Variants in ROBO1 observed in about 807,000 individuals in gnomAD.
ROBO1 encodes roundabout guidance receptor 1, also known as roundabout homolog 1.
ROBO1 carries 149 observed loss-of-function variants against 195.9 expected under a neutral mutation model. The ratio of observed to expected loss-of-function variants is 0.76; its 90% CI spans 0.67 to 0.87. ROBO1 has a LOEUF of 0.87. Among genes scored for constraint, ROBO1 ranks in the 40% least tolerant of loss-of-function variants. The pLI, the probability that ROBO1 is intolerant of heterozygous loss-of-function variation, is 0.00. For synonymous variants in ROBO1, 816 were observed against 733.2 expected, an observed-to-expected ratio of 1.11 and a Z score of -1.82; for missense variants, 1,933 against 2,068.3, an observed-to-expected ratio of 0.93 and a Z score of 1.27.
chr3:79,151,532 T>A (rs1003498401), intron 2 of ROBO1, among the ~76,000 whole-genome samples: 1 of 151,758 alleles, frequency 6.6e-6, no homozygotes, highest in African/African-American at 2.4e-5. Context: ...TGCTCCTCTT[T>A]CTCTATAATC....
At chr3:78,741,990 A>G (rs768328630) in intron 5 of ROBO1, among the ~76,000 whole-genome samples, 8 of 152,098 alleles carry the variant, frequency 5.3e-5, no homozygotes, top group Non-Finnish European at 1.2e-4. Context: ...AGGATCTAAA[A>G]TTTGGCTCAG....
chr3:78,821,326 C>T (rs534159009), intron 4 of ROBO1, among the ~76,000 whole-genome samples: 14 of 151,794 alleles, frequency 9.2e-5, no homozygotes, highest in Non-Finnish European at 1.5e-4. Flanking sequence ...CCACCACGCC[C>T]GGCTAATTTT....
At chr3:78,792,238 T>A (rs1355293328) in intron 4 of ROBO1, among the ~76,000 whole-genome samples, 1 of 152,204 alleles carries the variant, frequency 6.6e-6, no homozygotes, top group Non-Finnish European at 1.5e-5. Flanking sequence ...TATAATTGAA[T>A]GTGGTGATGG....
At chr3:78,620,134 CA>C (rs1301774233) in intron 26 of ROBO1, among the ~76,000 whole-genome samples, 1 of 151,874 alleles carries the variant, frequency 6.6e-6, no homozygotes, top group Non-Finnish European at 1.5e-5. Flanking sequence ...AAGTTAAAAC[CA>C]GTAGGATCTG....
At chr3:79,502,405 C>G (rs1043135831) in intron 2 of ROBO1, among the ~76,000 whole-genome samples, 18 of 152,202 alleles carry the variant, frequency 1.2e-4, no homozygotes, top group Admixed American at 2.0e-4. Context: ...GGGCCAGCAG[C>G]TGCTGTACTC....
chr3:79,452,615 T>C (rs879575959), intron 2 of ROBO1, among the ~76,000 whole-genome samples: 1 of 152,144 alleles, frequency 6.6e-6, no homozygotes, highest in Non-Finnish European at 1.5e-5. Flanking sequence ...ATGACTGAAC[T>C]AGTCAATTAC....
rs184412084 is a variant in ROBO1 at position 79,346,079 on chromosome 3, A to G, written c.89-220540T>C. Reference sequence around the variant, plus strand: ...TAATTAAAGTCAATTTTATATATCAAATCACAAGTGAATAGATGCAGTGAT... The same window carrying G: ...TAATTAAAGTCAATTTTATATATCAGATCACAAGTGAATAGATGCAGTGAT... On this transcript the variant is annotated intron_variant, in intron 2 of 30. Coordinates refer to ENST00000464233, the MANE Select transcript of ROBO1 (RefSeq NM_002941.4). 5.1e-3 allele frequency among the ~76,000 whole-genome samples: 780 copies of G among 152,256 alleles called. 12 individuals are homozygous for G. Among genetic ancestry groups the G allele is most frequent in the Non-Finnish European group, 5.1e-3 (350 of 68,018 alleles).
chr3:79,733,660 T>C (rs970190630), intron 1 of ROBO1, among the ~76,000 whole-genome samples: 2 of 151,808 alleles, frequency 1.3e-5, no homozygotes, highest in Non-Finnish European at 2.9e-5. Context: ...GGTCTGGATG[T>C]CAGTTTTTCC....
At chr3:79,423,109 G>A (rs2038299406) in intron 2 of ROBO1, among the ~76,000 whole-genome samples, 1 of 152,080 alleles carries the variant, frequency 6.6e-6, no homozygotes, top group African/African-American at 2.4e-5. Context: ...AAACTACCAT[G>A]TTAAAAAGAC....
chr3:79,172,487 C>T (rs980812862), intron 2 of ROBO1, among the ~76,000 whole-genome samples: 6 of 152,178 alleles, frequency 3.9e-5, no homozygotes, highest in African/African-American at 1.4e-4. Context: ...GAAGAGCACA[C>T]TTCACAGGGA....
chr3:78,683,472 A>G (rs969475201), intron 10 of ROBO1, among the ~76,000 whole-genome samples: 32 of 152,094 alleles, frequency 2.1e-4, no homozygotes, highest in Non-Finnish European at 2.4e-4. Flanking sequence ...AACTCAAAAC[A>G]AGGAAAGAAA....
At chr3:79,674,627 TC>T (rs1946727674) in intron 1 of ROBO1, among the ~76,000 whole-genome samples, 1 of 151,940 alleles carries the variant, frequency 6.6e-6, no homozygotes, top group Admixed American at 6.6e-5. Flanking sequence ...AAACCTATAA[TC>T]TTTGCACAGG....
chr3:79,025,741 C>G (rs1223662825), intron 3 of ROBO1, among the ~76,000 whole-genome samples: 2 of 152,042 alleles, frequency 1.3e-5, no homozygotes, highest in African/African-American at 4.8e-5. Context: ...TTATTTAGAT[C>G]AGGTTATTTG....
At chr3:78,935,967 G>T (rs2039783147) in intron 4 of ROBO1, among the ~76,000 whole-genome samples, 2 of 151,942 alleles carry the variant, frequency 1.3e-5, no homozygotes, top group South Asian at 2.1e-4. Context: ...TGAGAAAAAG[G>T]TTTACAGTTT....
chr3:79,389,431 T>C (rs1203237232), intron 2 of ROBO1, among the ~76,000 whole-genome samples: 2 of 152,136 alleles, frequency 1.3e-5, no homozygotes, highest in East Asian at 1.9e-4. Flanking sequence ...ATTAGTATGG[T>C]TGAGAAACGA....
intron 14 of ROBO1, among the ~76,000 whole-genome samples, chr3:78,663,875 T>C (rs1224240104): frequency 7.2e-5 from 11 of 152,052 alleles, no homozygotes; most frequent in Admixed American, 7.2e-4. Context: ...ATACGTAAGC[T>C]CCCATCCTCA....
chr3:79,362,136 T>C (rs985627610), intron 2 of ROBO1, among the ~76,000 whole-genome samples: 1 of 152,122 alleles, frequency 6.6e-6, no homozygotes, highest in Non-Finnish European at 1.5e-5. Flanking sequence ...TAACATTTAA[T>C]TATTATTAAT....
intron 2 of ROBO1, among the ~76,000 whole-genome samples, chr3:79,138,918 T>G (rs2080467966): frequency 6.6e-6 from 1 of 151,844 alleles, no homozygotes; most frequent in African/African-American, 2.4e-5. Context: ...TAAAGTGATA[T>G]TATAACAAGT....
chr3:78,727,557 G>A (rs3856696), intron 5 of ROBO1, among the ~76,000 whole-genome samples: 143,074 of 152,190 alleles, frequency 0.94, 67,770 homozygotes, highest in Non-Finnish European at 1. Flanking sequence ...CCCAGGAGGC[G>A]GAGCTTGCAG....
Sources: gnomAD v4.1 joint callset for allele counts (sites outside exome capture counted in the v4.1 genomes callset) on GRCh38, gnomAD v4.1.1 for gene constraint, MANE v1.5 for transcripts, NCBI Gene and HGNC (gene_info 2026-07-23, HGNC 2026-07-21) for gene names.